Variants in MARCHF1 observed in about 807,000 individuals in gnomAD.
MARCHF1 encodes membrane associated ring-CH-type finger 1, also known as E3 ubiquitin-protein ligase MARCHF1.
In MARCHF1, 40 loss-of-function variants were observed where a neutral mutation model predicts 54.2. The ratio of observed to expected loss-of-function variants is 0.74; its 90% CI spans 0.57 to 0.96. The LOEUF (loss-of-function observed/expected upper bound fraction) is 0.96, where lower values mean the gene tolerates loss of function less well. Among genes scored for constraint, MARCHF1 ranks in the 40% least tolerant of loss-of-function variants. The pLI is 0.00. For synonymous variants in MARCHF1, 236 were observed against 236.3 expected (o/e 1.00, Z 0.01); for missense variants, 586 against 656.5 (o/e 0.89, Z 1.17).
chr4:163,793,188 C>T (rs569747123), intron 4 of MARCHF1, among the ~76,000 whole-genome samples: 28 of 152,162 alleles, frequency 1.8e-4, no homozygotes, highest in Non-Finnish European at 3.8e-4. Flanking sequence ...AATGTCATCT[C>T]ACTCTAGAGA....
chr4:164,348,568 T>C (rs1730183311), intron 1 of MARCHF1, among the ~76,000 whole-genome samples: 1 of 152,286 alleles, frequency 6.6e-6, no homozygotes, highest in East Asian at 1.9e-4. Flanking sequence ...ATATTCTTTC[T>C]AAGAAGGCTT....
At chr4:164,066,261 C>G (rs538122272) in intron 2 of MARCHF1, among the ~76,000 whole-genome samples, 2 of 152,098 alleles carry the variant, frequency 1.3e-5, no homozygotes, top group African/African-American at 4.8e-5. Context: ...AACGAGCACA[C>G]ACAAAAAAAT....
rs145015423 is a variant in MARCHF1, at chr4:164,179,024, C to A, written c.-322-67362G>T. Reference sequence around the variant, plus strand: ...AGTTTATAGAGAACACCATGTGGCACGCAGACTCTCCCTGTGTTGGCGGGC... The same window carrying A: ...AGTTTATAGAGAACACCATGTGGCAAGCAGACTCTCCCTGTGTTGGCGGGC... On this transcript the variant is annotated intron_variant, in intron 1 of 9. Coordinates refer to ENST00000514618, the MANE Select transcript of MARCHF1 (RefSeq NM_001394959.1). 5.9e-3 allele frequency among the ~76,000 whole-genome samples: 894 copies of A among 152,146 alleles called. 11 individuals are homozygous for A. Among genetic ancestry groups the A allele is most frequent in the African/African-American group, 0.021 (852 of 41,526 alleles).
At chr4:164,269,742 C>A (rs371881767) in intron 1 of MARCHF1, among the ~76,000 whole-genome samples, 5 of 152,124 alleles carry the variant, frequency 3.3e-5, no homozygotes, top group East Asian at 1.9e-4. Context: ...CAACCAAAGC[C>A]TGGTTTTTGT....
chr4:163,902,156 C>T (rs1750956037), intron 3 of MARCHF1, among the ~76,000 whole-genome samples: 1 of 152,136 alleles, frequency 6.6e-6, no homozygotes, highest in East Asian at 1.9e-4. Context: ...TACAATAAGA[C>T]ATTAGTGAAG....
At chr4:163,656,533 G>A (rs1221251165) in intron 5 of MARCHF1, among the ~76,000 whole-genome samples, 3 of 151,920 alleles carry the variant, frequency 2.0e-5, no homozygotes, top group South Asian at 2.1e-4. Context: ...GAAAAGGAGC[G>A]ACTCCTCCTT....
At chr4:164,177,683 C>G (rs1363843311) in intron 1 of MARCHF1, among the ~76,000 whole-genome samples, 3 of 151,806 alleles carry the variant, frequency 2.0e-5, no homozygotes, top group Non-Finnish European at 4.4e-5. Context: ...ATGGATGGTC[C>G]CAAACCCAGG....
intron 2 of MARCHF1, among the ~76,000 whole-genome samples, chr4:164,086,341 C>T (rs572426670): frequency 6.6e-6 from 1 of 151,812 alleles, no homozygotes; most frequent in South Asian, 2.1e-4. Context: ...AAAACTGTGT[C>T]TTATAATTTG....
intron 1 of MARCHF1, among the ~76,000 whole-genome samples, chr4:164,163,090 C>T (rs1730282705): frequency 6.6e-6 from 1 of 151,836 alleles, no homozygotes; most frequent in Non-Finnish European, 1.5e-5. Flanking sequence ...AATATTTTGT[C>T]ATCAATAGAA....
chr4:163,859,702 G>A (rs1205822280), intron 3 of MARCHF1, among the ~76,000 whole-genome samples: 1 of 152,118 alleles, frequency 6.6e-6, no homozygotes, highest in Non-Finnish European at 1.5e-5. Context: ...AGCAATATGA[G>A]CCACTGTCCT....
intron 8 of MARCHF1, among the ~76,000 whole-genome samples, chr4:163,556,302 G>C (rs1427164580): frequency 6.6e-6 from 1 of 152,136 alleles, no homozygotes; most frequent in Non-Finnish European, 1.5e-5. Context: ...GATTTCATAA[G>C]TGCTTCTATC....
At chr4:164,214,553 T>C (rs766074957) in intron 1 of MARCHF1, among the ~76,000 whole-genome samples, 2 of 152,162 alleles carry the variant, frequency 1.3e-5, no homozygotes, top group Non-Finnish European at 2.9e-5. Context: ...ATGGTAGACA[T>C]AGATCCAAGT....
intron 3 of MARCHF1, among the ~76,000 whole-genome samples, chr4:163,907,600 G>T (rs1043783779): frequency 9.9e-5 from 15 of 152,024 alleles, no homozygotes; most frequent in Non-Finnish European, 2.2e-4. Context: ...TAACTTCTCA[G>T]TTGAATTTTT....
intron 4 of MARCHF1, among the ~76,000 whole-genome samples, chr4:163,730,825 G>A (rs183363489): frequency 6.6e-6 from 1 of 152,194 alleles, no homozygotes; most frequent in African/African-American, 2.4e-5. Flanking sequence ...GTGGTTCAGT[G>A]AGTTCTTAGC....
At chr4:163,738,068 T>A (rs892895812) in intron 4 of MARCHF1, among the ~76,000 whole-genome samples, 2 of 152,176 alleles carry the variant, frequency 1.3e-5, no homozygotes, top group African/African-American at 4.8e-5. Flanking sequence ...ATGGTAGGGT[T>A]ATATGCTCTT....
chr4:164,011,439 A>G (rs1221902613), intron 2 of MARCHF1, among the ~76,000 whole-genome samples: 1 of 152,240 alleles, frequency 6.6e-6, no homozygotes, highest in East Asian at 1.9e-4. Flanking sequence ...AAGTAACTCA[A>G]TTAAAAACTG....
chr4:163,554,019 T>C (rs890148469), intron 8 of MARCHF1, among the ~76,000 whole-genome samples: 4 of 152,222 alleles, frequency 2.6e-5, no homozygotes, highest in African/African-American at 9.6e-5. Context: ...AAAACATTTT[T>C]GGGGTTAGCT....
At chr4:164,298,317 A>G (rs1286644699) in intron 1 of MARCHF1, among the ~76,000 whole-genome samples, 1 of 152,084 alleles carries the variant, frequency 6.6e-6, no homozygotes, top group Non-Finnish European at 1.5e-5. Flanking sequence ...GAGAATAAAT[A>G]TATTGAACAA....
chr4:164,093,721 G>A (rs950165874), intron 2 of MARCHF1, among the ~76,000 whole-genome samples: 4 of 152,090 alleles, frequency 2.6e-5, no homozygotes, highest in African/African-American at 9.7e-5. Context: ...GAGCATCCTG[G>A]TGGTCCCTTC....
Sources: allele counts gnomAD v4.1 joint callset (sites outside exome capture counted in the v4.1 genomes callset), GRCh38; gene constraint gnomAD v4.1.1; transcripts MANE v1.5; gene names NCBI Gene and HGNC (gene_info 2026-07-23, HGNC 2026-07-21).